ANK2: variants seen among roughly 807,000 people sequenced by gnomAD.
ANK2 encodes the protein ankyrin-2.
Under a neutral mutation model 360.5 loss-of-function variants are expected in ANK2, and 83 were observed. The ratio of observed to expected loss-of-function variants is 0.23; its 90% CI spans 0.19 to 0.28. The LOEUF (loss-of-function observed/expected upper bound fraction) is 0.28. ANK2 is among the 10% of genes least tolerant of loss of function. The probability of loss-of-function intolerance (pLI) is 1.00; values close to 1 mark genes in which losing one functional copy is unlikely to be tolerated. For synonymous variants in ANK2, 1,740 were observed against 1,759.5 expected (o/e 0.99, Z 0.28); for missense variants, 4,201 against 4,795.7 (o/e 0.88, Z 3.66).
At chr4:113,207,434 AG>A (rs1177906972) in intron 4 of ANK2, among the ~76,000 whole-genome samples, 1 of 152,178 alleles carries the variant, frequency 6.6e-6, no homozygotes, top group African/African-American at 2.4e-5. Context: ...TAGGGAGAAA[AG>A]TAAATGGTCT....
intron 1 of ANK2, among the ~76,000 whole-genome samples, chr4:113,149,874 C>CAAAA (rs34667216): frequency 0.054 from 1,701 of 31,394 alleles, 344 homozygotes; most frequent in Non-Finnish European, 0.062. Context: ...GACCCTGCCT[C>CAAAA]AAAAAAAAAA....
At chr4:112,958,195 C>T (rs933096213) in intron 2 of ANK2, among the ~76,000 whole-genome samples, 1 of 152,036 alleles carries the variant, frequency 6.6e-6, no homozygotes, top group Non-Finnish European at 1.5e-5. Context: ...GACGGGGTGG[C>T]GGCCGGGCAG....
chr4:113,181,269 C>T (rs1452729164), intron 2 of ANK2, among the ~76,000 whole-genome samples: 1 of 152,110 alleles, frequency 6.6e-6, no homozygotes, highest in Admixed American at 6.6e-5. Context: ...CGGAACAGAA[C>T]ACTTTATAAT....
intron 1 of ANK2, among the ~76,000 whole-genome samples, chr4:112,843,623 GA>G (rs924722072): frequency 1.3e-5 from 2 of 151,954 alleles, no homozygotes; most frequent in Non-Finnish European, 2.9e-5. Flanking sequence ...TTGCACTTGG[GA>G]AAAAATGCAA....
chr4:112,753,160 A>G, the ANK2 span, among the ~76,000 whole-genome samples: 1 of 152,190 alleles, frequency 6.6e-6, no homozygotes, highest in South Asian at 2.1e-4. Context: ...AAGCCTCACC[A>G]AGGTGCTTCT....
chr4:113,174,927 TCTC>T (rs1464362353), intron 2 of ANK2, among the ~76,000 whole-genome samples: 1 of 152,170 alleles, frequency 6.6e-6, no homozygotes, highest in African/African-American at 2.4e-5. Context: ...GATAAAATGT[TCTC>T]CTAATTAATT....
At chr4:113,158,267 G>A (rs1009037601) in intron 1 of ANK2, among the ~76,000 whole-genome samples, 1 of 152,104 alleles carries the variant, frequency 6.6e-6, no homozygotes, top group Non-Finnish European at 1.5e-5. Flanking sequence ...CTTGCTCAAT[G>A]CACCTTTTAG....
At chr4:113,016,320 T>C (rs748114025) in intron 2 of ANK2, among the ~76,000 whole-genome samples, 54 of 152,302 alleles carry the variant, frequency 3.5e-4, no homozygotes, top group Admixed American at 5.9e-4. Flanking sequence ...TTGTGGACAC[T>C]TTCAGTACTC....
the ANK2 span, among the ~76,000 whole-genome samples, chr4:112,750,459 C>T: frequency 6.6e-6 from 1 of 152,000 alleles, no homozygotes; most frequent in Non-Finnish European, 1.5e-5. Flanking sequence ...GTTACACTTG[C>T]CTACAATATT....
chr4:112,935,594 C>T (rs2093657016), intron 2 of ANK2, among the ~76,000 whole-genome samples: 1 of 152,170 alleles, frequency 6.6e-6, no homozygotes, highest in Non-Finnish European at 1.5e-5. Context: ...ATAGGCCTAA[C>T]ACTTTGGGAG....
rs748835902 is a variant in ANK2, at chr4:113,287,685, T to A, written c.2160T>A (p.Asp720Glu). 11 of 1,611,436 alleles carry A rather than the reference T, an allele frequency of 6.8e-6. No homozygotes were observed. In the South Asian group the frequency reaches 8.8e-5, roughly 13 times the overall value. ...ATATTCTCACCAAGCATGGAGCTGA[T>A]CAGGATGCTCATACAAAGGTAAAGC... is the stretch of plus-strand genomic sequence containing the variant. ...VADILTKHGA[D>E]QDAHTKLGYT... is the part of the protein sequence containing the mutation. Residue 720 changes from aspartate to glutamate, a missense_variant, in exon 19 of 46, where the codon GAT becomes GAA. Around this residue, in one of 4 missense-constraint regions of ANK2, gnomAD observed 1,268 missense variants for 1,650.8 expected, o/e 0.77. Coordinates refer to ENST00000357077, the MANE Select transcript of ANK2 (RefSeq NM_001148.6).
At chr4:113,028,881 C>G (rs1006199389) in intron 2 of ANK2, among the ~76,000 whole-genome samples, 27 of 152,148 alleles carry the variant, frequency 1.8e-4, no homozygotes, top group African/African-American at 6.5e-4. Flanking sequence ...TTACATATTG[C>G]TGTATGTGAA....
At position 113,136,761 on chromosome 4, in the gene ANK2, CT is replaced by C. The variant is rs112865867; in HGVS notation, c.85-37640del. On this transcript the variant is annotated intron_variant, in intron 1 of 45. Transcript: ENST00000357077. The stretch of plus-strand genomic sequence containing the variant: ...CATACCACATTATTAAGGATTTTGG[CT>C]TTTTTTTTTTTTTTGAGACAGTTTC... Among the ~76,000 whole-genome samples the C allele has an allele frequency of 7.1e-3, 991 of 139,640 alleles. 4 individuals are homozygous for C. The highest frequency in any genetic ancestry group is 0.041 in the Middle Eastern group (11 of 266). The allele number at this position is 139,640 out of a possible 152,430, so 91.6% of individuals were successfully genotyped here. A position where few individuals can be genotyped will look rare whatever the true frequency, so the allele number is the denominator to read the frequency against.
chr4:112,959,340 A>G (rs935647510), intron 2 of ANK2, among the ~76,000 whole-genome samples: 3 of 152,224 alleles, frequency 2.0e-5, no homozygotes, highest in South Asian at 2.1e-4. Flanking sequence ...GAAAACAAGA[A>G]CAAAAACAAA....
chr4:112,763,079 A>G, the ANK2 span, among the ~76,000 whole-genome samples: 110 of 152,358 alleles, frequency 7.2e-4, no homozygotes, highest in African/African-American at 2.5e-3. Flanking sequence ...TTGTTGGAAC[A>G]TGTGATGAAT....
At chr4:113,275,053 AG>A (rs1298348094) in intron 15 of ANK2, among the ~76,000 whole-genome samples, 1 of 152,224 alleles carries the variant, frequency 6.6e-6, no homozygotes, top group Non-Finnish European at 1.5e-5. Flanking sequence ...TGTGAGTTAT[AG>A]TACCAGATCG....
At chr4:112,842,126 C>CA (rs2062221474) in intron 1 of ANK2, among the ~76,000 whole-genome samples, 1 of 152,056 alleles carries the variant, frequency 6.6e-6, no homozygotes, top group Non-Finnish European at 1.5e-5. Context: ...TCTCCTGCCT[C>CA]AGCCTCCCCA....
chr4:112,909,392 C>G lies in ANK2; in HGVS notation c.21+4878C>G, dbSNP rs139962212. Among the ~76,000 whole-genome samples, 1,412 of 152,202 alleles carry G rather than the reference C, an allele frequency of 9.3e-3. 17 individuals carry two copies. Among genetic ancestry groups the G allele is most frequent in the African/African-American group, 0.032 (1,316 of 41,520 alleles). ...TAGAGTTAAGTTTGTTAATCTTAAT[C>G]CATTTATTGTTTCTAACCATCAAAT... is the stretch of plus-strand genomic sequence containing the variant. On this transcript the variant is annotated intron_variant, in intron 2 of 30. Coordinates refer to the ANK2 transcript ENST00000503271.
Position 113,360,861 on chromosome 4 carries a change from G to A in ANK2, c.10720G>A (p.Ala3574Thr). Residue 3574 changes from alanine (A) to threonine (T), a missense_variant, in exon 39 of 46, where the codon GCT (alanine) becomes ACT (threonine). Transcript: ENST00000357077. ...GCAGGAACGGATCGAGGAAAGGCTG[G>A]CTTATATTGCTGATCACCTTGGCTT... ...DEQERIEERL[A>T]YIADHLGFSW... 2 of 1,612,766 alleles carry A rather than the reference G, an allele frequency of 1.2e-6. No individual in the cohort carries two copies. Among genetic ancestry groups the A allele is most frequent in the South Asian group, 1.1e-5 (1 of 90,970 alleles).
Sources: gnomAD v4.1 joint callset for allele counts (sites outside exome capture counted in the v4.1 genomes callset) on GRCh38, gnomAD v4.1.1 for gene constraint, gnomAD v4.1.1 regional missense constraint, MANE v1.5 for transcripts, NCBI Gene and HGNC (gene_info 2026-07-23, HGNC 2026-07-21) for gene names.